Variants in MPRIP observed in about 807,000 individuals in gnomAD.
MPRIP encodes myosin phosphatase Rho-interacting protein.
A neutral mutation model predicts 234.9 loss-of-function variants in MPRIP; 59 were observed. That is an observed-to-expected ratio of 0.25 (90% CI 0.20 to 0.31). MPRIP has a LOEUF of 0.31. Ranked by LOEUF, MPRIP falls within the 10% of genes least tolerant of loss-of-function variation. The pLI is 1.00. For missense variants in MPRIP, 2,436 were observed against 3,071.0 expected, an observed-to-expected ratio of 0.79 and a Z score of 4.89; for synonymous variants, 1,144 against 1,263.9, an observed-to-expected ratio of 0.91 and a Z score of 2.01.
At chr17:17,128,703 C>A (rs935355216) in intron 4 of MPRIP, among the ~76,000 whole-genome samples, 1 of 152,200 alleles carries the variant, frequency 6.6e-6, no homozygotes, top group Non-Finnish European at 1.5e-5. Flanking sequence ...CAGGTTCTCA[C>A]GTGGCATAAC....
intron 3 of MPRIP, among the ~76,000 whole-genome samples, chr17:17,117,798 CTACACCACTT>C (rs1567726450): frequency 6.6e-6 from 1 of 152,216 alleles, no homozygotes; most frequent in African/African-American, 2.4e-5. Flanking sequence ...TCCACAATAG[CTACACCACTT>C]TACAATCAAA....
chr17:17,044,939 C>G (rs969622041), intron 1 of MPRIP, among the ~76,000 whole-genome samples: 2 of 152,130 alleles, frequency 1.3e-5, no homozygotes, highest in Non-Finnish European at 2.9e-5. Flanking sequence ...ATTCTACCTC[C>G]TGGGATCTTT....
At chr17:17,089,114 CA>C (rs2089656452) in intron 3 of MPRIP, among the ~76,000 whole-genome samples, 1 of 152,242 alleles carries the variant, frequency 6.6e-6, no homozygotes, top group Non-Finnish European at 1.5e-5. Context: ...GTGCCAGTCA[CA>C]GCACACAACA....
rs902298185 is a variant in MPRIP at position 17,185,733 on chromosome 17, G to A, written c.*839G>A. On this transcript the variant is annotated 3_prime_UTR_variant, in exon 24 of 24. Coordinates refer to ENST00000651222, the MANE Select transcript of MPRIP (RefSeq NM_001364716.4). ...CCCCCAGGAATCATTCAAAATGGGGGAAGGTTTGGGGGTTTGGGTTTTTTT... is the reference window on the plus strand; with the variant it reads ...CCCCCAGGAATCATTCAAAATGGGGAAAGGTTTGGGGGTTTGGGTTTTTTT... 26 of 347,950 alleles carry A rather than the reference G, an allele frequency of 7.5e-5. No homozygotes were observed. Among genetic ancestry groups the A allele is most frequent in the Non-Finnish European group, 1.5e-4 (26 of 176,506 alleles). 21.6% of individuals were successfully genotyped at this position (347,950 alleles called of 1,614,324 possible).
chr17:17,133,597 C>T (rs1239837337), intron 5 of MPRIP, among the ~76,000 whole-genome samples: 1 of 152,156 alleles, frequency 6.6e-6, no homozygotes, highest in Non-Finnish European at 1.5e-5. Context: ...CAGATTGAAC[C>T]AGTGGAGAGC....
intron 18 of MPRIP, among the ~76,000 whole-genome samples, chr17:17,173,548 G>C (rs982940022): frequency 6.6e-6 from 1 of 152,228 alleles, no homozygotes; most frequent in African/African-American, 2.4e-5. Context: ...TTTGGGTCTT[G>C]TGTAGAGCCT....
chr17:17,075,804 C>G lies in MPRIP; in HGVS notation c.201+17C>G. On this transcript the variant is annotated intron_variant, in intron 2 of 23. Transcript: ENST00000651222. ...CGGTCTCGGGTAAGGGCATCAGAGC[C>G]AACTCTCAGGGAGGAACCAGAGAAG... 1 of 1,613,376 alleles carries G rather than the reference C, an allele frequency of 6.2e-7. No individual in the cohort carries two copies. The highest frequency in any genetic ancestry group is 8.5e-7 in the Non-Finnish European group (1 of 1,179,422).
rs113515727 is a variant in MPRIP, at chr17:17,191,559, C to T, written c.*6665C>T. 2.0e-5 allele frequency: 3 copies of T among 152,266 alleles called. No homozygotes were observed. Among genetic ancestry groups the T allele is most frequent in the Admixed American group, 6.5e-5 (1 of 15,288 alleles). The allele number at this position is 152,266 out of a possible 1,614,324, so 9.4% of individuals were successfully genotyped here. A position where few individuals can be genotyped will look rare whatever the true frequency, so the allele number is the denominator to read the frequency against. ...AGTAATGTAGGATGGCCTGAGAGGA[C>T]GTCCAAGTCCCAAGGGGTGGACACG... On this transcript the variant is annotated 3_prime_UTR_variant, in exon 24 of 24. Coordinates refer to ENST00000651222, the MANE Select transcript of MPRIP (RefSeq NM_001364716.4).
intron 1 of MPRIP, among the ~76,000 whole-genome samples, chr17:17,047,745 G>T (rs1362706519): frequency 6.6e-6 from 1 of 152,206 alleles, no homozygotes; most frequent in Non-Finnish European, 1.5e-5. Flanking sequence ...AAACTTGGGG[G>T]ATGGGGAGGG....
intron 13 of MPRIP, among the ~76,000 whole-genome samples, chr17:17,157,543 C>T (rs1287936322): frequency 6.6e-6 from 1 of 152,184 alleles, no homozygotes; most frequent in Non-Finnish European, 1.5e-5. Context: ...GCTTTTAAAA[C>T]ATAGATTCAG....
Position 17,167,829 on chromosome 17 carries a change from A to T in MPRIP, c.6238A>T (p.Met2080Leu). Residue 2080 changes from methionine to leucine, a missense_variant, in exon 16 of 24, where the codon ATG becomes TTG. By Grantham distance (15) the Met-to-Leu change is conservative. Coordinates refer to ENST00000651222, the MANE Select transcript of MPRIP (RefSeq NM_001364716.4). The surrounding 1 kb of genome is among the most constrained non-coding windows in gnomAD (Gnocchi z 5.9). ...GGAGCTGGAGGCCCAGATGGATGTCATGCGGGAGGAGCTGGGACACAAGGA... is the reference window on the plus strand; with the variant it reads ...GGAGCTGGAGGCCCAGATGGATGTCTTGCGGGAGGAGCTGGGACACAAGGA... The part of the protein sequence containing the change: ...IQELEAQMDV[M>L]REELGHKDLE... 1 of 1,304,304 alleles carries T rather than the reference A, an allele frequency of 7.7e-7. No homozygotes were observed. Among genetic ancestry groups the T allele is most frequent in the Non-Finnish European group, 1.0e-6 (1 of 988,974 alleles). 80.8% of individuals were successfully genotyped at this position (1,304,304 alleles called of 1,614,324 possible). A position where few individuals can be genotyped will look rare whatever the true frequency, so the allele number is the denominator to read the frequency against.
intron 1 of MPRIP, among the ~76,000 whole-genome samples, chr17:17,054,692 A>G (rs2088640842): frequency 6.6e-6 from 1 of 152,076 alleles, no homozygotes; most frequent in Non-Finnish European, 1.5e-5. Flanking sequence ...CATTGTTATA[A>G]CAAATCAATG....
rs1199382267 is a variant in MPRIP at position 17,159,962 on chromosome 17, A to G, written c.2400+960A>G. Among the ~76,000 whole-genome samples the G allele has an allele frequency of 1.3e-5, 2 of 152,254 alleles. 1 individual carries two copies. Among genetic ancestry groups the G allele is most frequent in the Non-Finnish European group, 2.9e-5 (2 of 68,050 alleles). On this transcript the variant is annotated intron_variant, in intron 14 of 23. Coordinates refer to ENST00000651222, the MANE Select transcript of MPRIP (RefSeq NM_001364716.4). ...TCATCCATTAACAAGTAACAAAGGC[A>G]AGATGAAATAAAATAACAGTTGAAA...
chr17:17,074,954 C>T (rs1476231728), intron 1 of MPRIP, among the ~76,000 whole-genome samples: 2 of 152,136 alleles, frequency 1.3e-5, no homozygotes, highest in African/African-American at 2.4e-5. Context: ...CATTCATGTG[C>T]AGGTATTTAT....
intron 3 of MPRIP, among the ~76,000 whole-genome samples, chr17:17,091,141 C>G (rs2089707027): frequency 6.6e-6 from 1 of 151,976 alleles, no homozygotes; most frequent in Non-Finnish European, 1.5e-5. Context: ...GGAGGACATG[C>G]TTGCCTGGCC....
In MPRIP at chr17:17,187,492, G is replaced by A. The variant is rs921158493; in HGVS notation, c.*2598G>A. 8 of 152,250 alleles carry A rather than the reference G, an allele frequency of 5.3e-5. No individual in the cohort carries two copies. Among genetic ancestry groups the A allele is most frequent in the Admixed American group, 5.2e-4 (8 of 15,286 alleles). The allele number at this position is 152,250 out of a possible 1,614,324, so 9.4% of individuals were successfully genotyped here. A position where few individuals can be genotyped will look rare whatever the true frequency, so the allele number is the denominator to read the frequency against. ...GTCAAGGAAGTCTGGGTTCCCTGCTGGTGGGCTCCATCCTGCGATGGAGTG... is the reference window on the plus strand; with the variant it reads ...GTCAAGGAAGTCTGGGTTCCCTGCTAGTGGGCTCCATCCTGCGATGGAGTG... On this transcript the variant is annotated 3_prime_UTR_variant, in exon 24 of 24. Coordinates refer to ENST00000651222, the MANE Select transcript of MPRIP (RefSeq NM_001364716.4).
rs756019630 is a variant in MPRIP at position 17,165,438 on chromosome 17, C to T, written c.3847C>T (p.Pro1283Ser). ...GGGGGAAGAGTACGGTGATGGCAGC[C>T]CCAGTAGGGAAGACAGCATGGTGCC... is the stretch of plus-strand genomic sequence containing the variant. ...PPGEEYGDGS[P>S]SREDSMVPPK... The change falls in exon 16 of 24, where the codon CCC (proline) becomes TCC (serine). Residue 1283 changes from proline (P) to serine (S), a missense_variant. By Grantham distance (74) the Pro-to-Ser change is moderately conservative. Around this residue, in one of 4 missense-constraint regions of MPRIP, gnomAD observed 1,998 missense variants for 2,520.3 expected, o/e 0.79. Transcript: ENST00000651222. 40 of 1,304,034 alleles carry T rather than the reference C, an allele frequency of 3.1e-5. No homozygotes were observed. The highest frequency in any genetic ancestry group is 4.2e-4 in the Middle Eastern group (2 of 4,720). The allele number at this position is 1,304,034 out of a possible 1,614,324, so 80.8% of individuals were successfully genotyped here. A position where few individuals can be genotyped will look rare whatever the true frequency, so the allele number is the denominator to read the frequency against.
chr17:17,180,022 C>T lies in MPRIP; in HGVS notation c.7140C>T (p.Ser2380=). The T allele has an allele frequency of 1.3e-6, 2 of 1,595,300 alleles. No individual in the cohort carries two copies. Among genetic ancestry groups the T allele is most frequent in the East Asian group, 2.3e-5 (1 of 44,244 alleles). ...CCGCAGATATAATGAAATCTAAAAG[C>T]AACCCTGACTTCTTGAAGAAAGACA... ...VSGYDIMKSK[S]NPDFLKKDRS... The change falls in exon 23 of 24, where the codon AGC becomes AGT. Residue 2380 remains serine (S), a synonymous_variant. Transcript: ENST00000651222.
In MPRIP at chr17:17,141,208, C is replaced by T. The variant is rs1171976013; in HGVS notation, c.1251-1419C>T. Among the ~76,000 whole-genome samples the T allele has an allele frequency of 2.6e-5, 4 of 152,204 alleles. No individual in the cohort carries two copies. The East Asian group carries it at 7.7e-4, about 29-fold the overall frequency. Reference sequence around the variant, plus strand: ...CCCCAGTGTTGGGCAGAGGAGCCCTCATCCTGGAAGTGGCCTGTTGGTGAG... The same window carrying T: ...CCCCAGTGTTGGGCAGAGGAGCCCTTATCCTGGAAGTGGCCTGTTGGTGAG... On this transcript the variant is annotated intron_variant, in intron 7 of 23. Coordinates refer to ENST00000651222, the MANE Select transcript of MPRIP (RefSeq NM_001364716.4).
Sources: gnomAD v4.1 joint callset for allele counts (sites outside exome capture counted in the v4.1 genomes callset) on GRCh38, gnomAD v4.1.1 for gene constraint, gnomAD v4.1.1 regional missense constraint, Gnocchi (gnomAD v3.1) non-coding constraint, MANE v1.5 for transcripts, NCBI Gene and HGNC (gene_info 2026-07-23, HGNC 2026-07-21) for gene names.